Variants in SNAP25 observed in about 807,000 individuals in gnomAD.
SNAP25 encodes the protein synaptosomal-associated protein 25.
A neutral mutation model predicts 28.7 loss-of-function variants in SNAP25; 3 were observed. The ratio of observed to expected loss-of-function variants is 0.10; its 90% confidence interval spans 0.05 to 0.27. The LOEUF is 0.27. Among genes scored for constraint, SNAP25 ranks in the 10% least tolerant of loss-of-function variants. SNAP25 has a pLI of 1.00. For missense variants in SNAP25, 117 were observed against 278.7 expected (o/e 0.42, Z 4.13); for synonymous variants, 61 against 88.1 (o/e 0.69, Z 1.72).
At chr20:10,255,300 C>T (rs962455783) in intron 1 of SNAP25, among the ~76,000 whole-genome samples, 5 of 152,206 alleles carry the variant, frequency 3.3e-5, no homozygotes, top group African/African-American at 9.7e-5. Flanking sequence ...GATGCTTGCT[C>T]CTCTGGCCAC....
chr20:10,290,105 G>A (rs1003519733), intron 4 of SNAP25, among the ~76,000 whole-genome samples: 7 of 152,130 alleles, frequency 4.6e-5, no homozygotes, highest in African/African-American at 1.4e-4. Flanking sequence ...ATCAGCCTCA[G>A]AGATGCTGCT....
chr20:10,241,819 C>T (rs960412514), intron 1 of SNAP25, among the ~76,000 whole-genome samples: 8 of 152,170 alleles, frequency 5.3e-5, no homozygotes, highest in African/African-American at 1.9e-4. Context: ...TTAGCCAGGG[C>T]CTGCCAGCCT....
intron 1 of SNAP25, among the ~76,000 whole-genome samples, chr20:10,226,552 G>A (rs1275281532): frequency 6.6e-6 from 1 of 152,050 alleles, no homozygotes; most frequent in Admixed American, 6.6e-5. Context: ...TATGCTAGGT[G>A]TCCCCTCTTG....
At chr20:10,265,974 G>A (rs1196957549) in intron 1 of SNAP25, among the ~76,000 whole-genome samples, 1 of 152,176 alleles carries the variant, frequency 6.6e-6, no homozygotes, top group Non-Finnish European at 1.5e-5. Context: ...AGGTTTGGGG[G>A]TTTCTATATA....
chr20:10,292,948 A>G (rs2064031296), intron 4 of SNAP25: 1 of 1,613,808 alleles, frequency 6.2e-7, no homozygotes, highest in Non-Finnish European at 8.5e-7. Context: ...GCTGAGAAAA[A>G]TTTAAAAGAT....
At chr20:10,260,900 T>G (rs2063403800) in intron 1 of SNAP25, among the ~76,000 whole-genome samples, 1 of 152,192 alleles carries the variant, frequency 6.6e-6, no homozygotes, top group Non-Finnish European at 1.5e-5. Flanking sequence ...GTTGAAACAC[T>G]AATAGTAGCT....
intron 1 of SNAP25, among the ~76,000 whole-genome samples, chr20:10,270,754 T>A (rs6039799): frequency 0.015 from 2,273 of 151,898 alleles, 63 homozygotes; most frequent in African/African-American, 0.051. Context: ...TCAGACCAAC[T>A]GAATTAGAAT....
At chr20:10,249,079 C>A (rs1009256755) in intron 1 of SNAP25, among the ~76,000 whole-genome samples, 2 of 152,224 alleles carry the variant, frequency 1.3e-5, no homozygotes, top group Non-Finnish European at 2.9e-5. Context: ...AGTTTACTCT[C>A]ATGGAAAACA....
At chr20:10,226,774 A>G (rs2062740565) in intron 1 of SNAP25, among the ~76,000 whole-genome samples, 1 of 152,150 alleles carries the variant, frequency 6.6e-6, no homozygotes, top group Non-Finnish European at 1.5e-5. Flanking sequence ...CTCAGTAAAT[A>G]TCTAAGGTAT....
rs115108709 is a variant in SNAP25, at chr20:10,251,616, A to C, written c.-63-23813A>C. On this transcript the variant is annotated intron_variant, in intron 1 of 7. Transcript: ENST00000254976. ...GGAAAATGTTAAACAAACCTGTCCTACCTCCAAAAAGGAACACATAAATCT... is the reference window on the plus strand; with the variant it reads ...GGAAAATGTTAAACAAACCTGTCCTCCCTCCAAAAAGGAACACATAAATCT... Among the ~76,000 whole-genome samples, 649 of 152,324 alleles carry C rather than the reference A, an allele frequency of 4.3e-3. 2 individuals are homozygous for C. The highest frequency in any genetic ancestry group is 0.015 in the African/African-American group (639 of 41,574).
Position 10,262,689 on chromosome 20 carries a change from T to C in SNAP25, c.-63-12740T>C, listed in dbSNP as rs578224369. ...ATGTGATAGTGATTTATTAAGGCAG[T>C]GCTCGCAGGAGAAACCAGAAAGGGA... On this transcript the variant is annotated intron_variant, in intron 1 of 7. Coordinates refer to ENST00000254976, the MANE Select transcript of SNAP25 (RefSeq NM_130811.4). 4.6e-5 allele frequency among the ~76,000 whole-genome samples: 7 copies of C among 152,232 alleles called. No homozygotes were observed. The South Asian group carries it at 1.2e-3, about 27-fold the overall frequency.
At chr20:10,224,267 T>G (rs1292918786) in intron 1 of SNAP25, among the ~76,000 whole-genome samples, 1 of 116,778 alleles carries the variant, frequency 8.6e-6, no homozygotes, top group Non-Finnish European at 1.8e-5. Flanking sequence ...CTTTTTTTTT[T>G]TTTTTTTTTT....
chr20:10,293,046 CTTTT>C lies in SNAP25; in HGVS notation c.164-105_164-102del, dbSNP rs746018453. 4.5e-6 allele frequency: 5 copies of C among 1,120,392 alleles called. No individual in the cohort carries two copies. The African/African-American group carries it at 6.6e-5, about 15-fold the overall frequency. The allele number at this position is 1,120,392 out of a possible 1,614,324, so 69.4% of individuals were successfully genotyped here. ...TAATCTGTGGCGTCCAGTTTTCTTT[CTTTT>C]TTTTTTTTTCTTTTTTAATGTCAAA... On this transcript the variant is annotated intron_variant, in intron 4 of 7. Transcript: ENST00000254976. This position sits in a 1 kb window ranked among gnomAD's most constrained non-coding sequence, Gnocchi z 5.6.
intron 1 of SNAP25, among the ~76,000 whole-genome samples, chr20:10,245,611 G>A (rs766339829): frequency 8.5e-5 from 13 of 152,110 alleles, no homozygotes; most frequent in East Asian, 1.9e-4. Context: ...GTTTCACCCC[G>A]GGCGTGTGCC....
intron 1 of SNAP25, 87 bp from the exon 2 acceptor site, chr20:10,275,342 G>A (rs992553179): frequency 1.8e-6 from 1 of 557,318 alleles, no homozygotes; most frequent in Non-Finnish European, 3.1e-6. Flanking sequence ...TGTGGACTGA[G>A]TATGGGCCAT....
At chr20:10,262,934 G>A (rs531869934) in intron 1 of SNAP25, among the ~76,000 whole-genome samples, 1 of 152,108 alleles carries the variant, frequency 6.6e-6, no homozygotes, top group South Asian at 2.1e-4. Context: ...GGGCGGTGGG[G>A]GGAGTAGTGG....
chr20:10,290,741 A>G (rs1256433505), intron 4 of SNAP25, among the ~76,000 whole-genome samples: 1 of 152,124 alleles, frequency 6.6e-6, no homozygotes, highest in East Asian at 1.9e-4. Context: ...GCCATAATCT[A>G]TGCTTATTTC....
At chr20:10,240,291 C>T (rs149332731) in intron 1 of SNAP25, among the ~76,000 whole-genome samples, 39 of 152,272 alleles carry the variant, frequency 2.6e-4, no homozygotes, top group African/African-American at 8.4e-4. Flanking sequence ...CAGGAAGGGC[C>T]GGTCCTTCTT....
chr20:10,232,784 C>T (rs1345557859), intron 1 of SNAP25, among the ~76,000 whole-genome samples: 1 of 151,970 alleles, frequency 6.6e-6, no homozygotes, highest in Non-Finnish European at 1.5e-5. Context: ...GTGATATACC[C>T]CAAGGAGGTA....
Sources: allele counts gnomAD v4.1 joint callset (sites outside exome capture counted in the v4.1 genomes callset), GRCh38; gene constraint gnomAD v4.1.1; non-coding constraint Gnocchi (gnomAD v3.1); transcripts MANE v1.5; gene names NCBI Gene and HGNC (gene_info 2026-07-23, HGNC 2026-07-21).